Variants in SNX24 observed in about 807,000 individuals in gnomAD.
SNX24 encodes sorting nexin 24, also known as sorting nexin-24.
A neutral mutation model predicts 28.7 loss-of-function variants in SNX24; 22 were observed. The ratio of observed to expected loss-of-function variants is 0.77; its 90% CI spans 0.55 to 1.10. The LOEUF (loss-of-function observed/expected upper bound fraction) is 1.10. SNX24 is among the 50% of genes least tolerant of loss of function. The pLI is 0.00. For synonymous variants in SNX24, 69 were observed against 71.5 expected, an observed-to-expected ratio of 0.96 and a Z score of 0.18; for missense variants, 221 against 201.1, an observed-to-expected ratio of 1.10 and a Z score of -0.60.
At chr5:123,010,148 G>A (rs890571708), downstream of SNX24, among the ~76,000 whole-genome samples, 2 of 152,050 alleles carry the variant, frequency 1.3e-5, no homozygotes, top group Admixed American at 1.3e-4. Context: ...GATGGTATTC[G>A]CCCACTCCCA....
At chr5:122,916,244 A>T (rs1267760545) in intron 1 of SNX24, among the ~76,000 whole-genome samples, 1 of 152,204 alleles carries the variant, frequency 6.6e-6, no homozygotes, top group Non-Finnish European at 1.5e-5. Context: ...GAGTCTGCAT[A>T]GGAGACTTCT....
At chr5:122,966,743 A>G (rs1295868699) in intron 3 of SNX24, among the ~76,000 whole-genome samples, 2 of 152,216 alleles carry the variant, frequency 1.3e-5, no homozygotes, top group South Asian at 2.1e-4. Flanking sequence ...TTTCCTTACT[A>G]GAGAGAAAAA....
intron 2 of SNX24, among the ~76,000 whole-genome samples, chr5:122,940,997 A>G (rs922447174): frequency 2.0e-5 from 3 of 151,928 alleles, no homozygotes; most frequent in Non-Finnish European, 2.9e-5. Context: ...CAGTCACTCC[A>G]CTTCAGCTTG....
intron 1 of SNX24, among the ~76,000 whole-genome samples, chr5:122,914,656 T>G (rs1444997769): frequency 6.6e-6 from 1 of 151,104 alleles, no homozygotes; most frequent in Non-Finnish European, 1.5e-5. Context: ...TTTATCCATT[T>G]CTTCTAGATT....
chr5:122,846,550 C>T (rs911251605), intron 1 of SNX24, among the ~76,000 whole-genome samples: 3 of 152,194 alleles, frequency 2.0e-5, no homozygotes, highest in African/African-American at 7.2e-5. Flanking sequence ...TTACATCAAT[C>T]ACACACTTGC....
chr5:122,859,532 G>A (rs1755359419), intron 1 of SNX24, among the ~76,000 whole-genome samples: 1 of 152,114 alleles, frequency 6.6e-6, no homozygotes, highest in Non-Finnish European at 1.5e-5. Context: ...ACCCCAGGAG[G>A]TTAAGGCTAC....
chr5:122,955,822 G>A (rs796774962), intron 3 of SNX24, among the ~76,000 whole-genome samples: 3 of 152,144 alleles, frequency 2.0e-5, no homozygotes, highest in African/African-American at 7.2e-5. Context: ...TGAAAGCCCT[G>A]GTCCCTTACG....
chr5:122,853,694 C>T (rs570604844), intron 1 of SNX24: 1 of 404,240 alleles, frequency 2.5e-6, no homozygotes, highest in Non-Finnish European at 5.1e-6. Flanking sequence ...TGCAGTGTTG[C>T]CCAGGCAGGC....
chr5:122,877,430 C>T lies in SNX24; in HGVS notation c.60+31737C>T, dbSNP rs567581812. ...ATTGAAATCAGGTATGGGACTATGG[C>T]TGTGGTCCAGGATGAAGGTGTGGAC... On this transcript the variant is annotated intron_variant, in intron 1 of 6. Coordinates refer to ENST00000261369, the MANE Select transcript of SNX24 (RefSeq NM_014035.4). 1.4e-4 allele frequency among the ~76,000 whole-genome samples: 21 copies of T among 152,256 alleles called. No individual in the cohort carries two copies. In the South Asian group the frequency reaches 4.1e-3, roughly 30 times the overall value.
chr5:123,028,209 A>T (rs1455298613), intron 5 of SNX24, among the ~76,000 whole-genome samples: 1 of 152,252 alleles, frequency 6.6e-6, no homozygotes, highest in Non-Finnish European at 1.5e-5. Context: ...TTAGAACAGA[A>T]AAATGAAAAC....
chr5:122,946,134 G>C lies in SNX24; in HGVS notation c.224G>C (p.Arg75Pro). ...NWVPKVLEQRRQGLETYLQAV... is the reference protein window; with the variant it reads ...NWVPKVLEQRPQGLETYLQAV... ...GTCCCCAAAGTCTTGGAACAGCGAC[G>C]ACAAGGCTTGGAAACATACTTACAG... The change falls in exon 3 of 7, where the codon CGA (arginine) becomes CCA (proline). Residue 75 changes from arginine to proline, a missense_variant. Physicochemically the swap from Arg to Pro is moderately radical, Grantham distance 103. Coordinates refer to ENST00000261369, the MANE Select transcript of SNX24 (RefSeq NM_014035.4). 1.2e-6 allele frequency: 2 copies of C among 1,606,286 alleles called. No homozygotes were observed. The highest frequency in any genetic ancestry group is 1.7e-6 in the Non-Finnish European group (2 of 1,173,784).
At chr5:122,860,207 C>G (rs1021665326) in intron 1 of SNX24, among the ~76,000 whole-genome samples, 8 of 152,156 alleles carry the variant, frequency 5.3e-5, no homozygotes, top group African/African-American at 1.7e-4. Context: ...GTTCTTCTTT[C>G]TCTCCTAATG....
At chr5:123,012,981 G>A (rs1299765825), downstream of SNX24, among the ~76,000 whole-genome samples, 1 of 152,166 alleles carries the variant, frequency 6.6e-6, no homozygotes, top group African/African-American at 2.4e-5. Flanking sequence ...GATGGTTTAT[G>A]ACCCACCCTT....
intron 6 of SNX24, among the ~76,000 whole-genome samples, chr5:123,004,953 C>T (rs137863357): frequency 1.2e-4 from 18 of 152,330 alleles, no homozygotes; most frequent in Middle Eastern, 3.4e-3. Flanking sequence ...CCTTCCTTCT[C>T]ATCACCTCTC....
chr5:122,897,096 A>G (rs1757237023), intron 1 of SNX24, among the ~76,000 whole-genome samples: 1 of 152,218 alleles, frequency 6.6e-6, no homozygotes. Context: ...GTGTCATTTC[A>G]CAGGAGACAT....
intron 2 of SNX24, among the ~76,000 whole-genome samples, chr5:122,943,037 T>C (rs1305027124): frequency 6.6e-6 from 1 of 152,236 alleles, no homozygotes; most frequent in African/African-American, 2.4e-5. Context: ...GAAGTTTCTT[T>C]ATGTTTAAAG....
At chr5:122,853,742 C>A (rs1426149856) in intron 1 of SNX24, 5 of 360,064 alleles carry the variant, frequency 1.4e-5, no homozygotes, top group Non-Finnish European at 2.9e-5. Flanking sequence ...ACCGCTTCAG[C>A]CTCCCAAGAT....
chr5:122,950,661 T>C (rs576546466), intron 3 of SNX24, among the ~76,000 whole-genome samples: 2 of 152,126 alleles, frequency 1.3e-5, no homozygotes, highest in East Asian at 1.9e-4. Flanking sequence ...CTCATTGGCT[T>C]ATATTTGTGT....
chr5:123,003,853 C>G (rs1425226524), intron 6 of SNX24, among the ~76,000 whole-genome samples: 1 of 152,152 alleles, frequency 6.6e-6, no homozygotes, highest in Non-Finnish European at 1.5e-5. Context: ...ATAAATGGAT[C>G]ACAGGTTTGA....
Sources: gnomAD v4.1 joint callset for allele counts (sites outside exome capture counted in the v4.1 genomes callset) on GRCh38, gnomAD v4.1.1 for gene constraint, MANE v1.5 for transcripts, NCBI Gene and HGNC (gene_info 2026-07-23, HGNC 2026-07-21) for gene names.